DCUN1D1: variants seen among roughly 807,000 people sequenced by gnomAD.
DCUN1D1 encodes DCN1-like protein 1.
Under a neutral mutation model 39.0 loss-of-function variants are expected in DCUN1D1, and 3 were observed. The ratio of observed to expected loss-of-function variants is 0.08; its 90% CI spans 0.04 to 0.20. The LOEUF is 0.20. Ranked by LOEUF, DCUN1D1 falls within the 10% of genes least tolerant of loss-of-function variation. The pLI is 1.00. For synonymous variants in DCUN1D1, 82 were observed against 96.3 expected (o/e 0.85, Z 0.87); for missense variants, 158 against 302.4 (o/e 0.52, Z 3.54).
upstream of DCUN1D1, chr3:182,980,659 G>A (rs1276292291): frequency 2.0e-5 from 17 of 843,370 alleles, no homozygotes; most frequent in Non-Finnish European, 2.3e-5. Flanking sequence ...GCGGAGGGAC[G>A]GAGGCAGGCG....
intron 4 of DCUN1D1, among the ~76,000 whole-genome samples, chr3:182,956,783 A>G (rs1391921066): frequency 1.3e-5 from 2 of 152,242 alleles, no homozygotes; most frequent in Non-Finnish European, 2.9e-5. Flanking sequence ...GGCCCTAAAA[A>G]TGATATGGCT....
chr3:182,951,653 C>A (rs1233759373), intron 4 of DCUN1D1, among the ~76,000 whole-genome samples: 1 of 136,558 alleles, frequency 7.3e-6, no homozygotes, highest in Non-Finnish European at 1.6e-5. Flanking sequence ...AAAACCACCA[C>A]ACACAAAAGA....
At chr3:182,963,621 T>C (rs1204428392) in intron 3 of DCUN1D1, among the ~76,000 whole-genome samples, 1 of 152,222 alleles carries the variant, frequency 6.6e-6, no homozygotes, top group Non-Finnish European at 1.5e-5. Context: ...TAGTAAATAT[T>C]AATGCATAAT....
chr3:182,964,635 C>CTTTTTTT (rs951243180), intron 2 of DCUN1D1, among the ~76,000 whole-genome samples: 43 of 107,468 alleles, frequency 4.0e-4, no homozygotes, highest in African/African-American at 9.1e-4. Flanking sequence ...TAACACCTTT[C>CTTTTTTT]TTTTTTTTTT....
intron 1 of DCUN1D1, among the ~76,000 whole-genome samples, chr3:182,971,577 A>C (rs1392658671): frequency 2.8e-5 from 4 of 143,232 alleles, no homozygotes; most frequent in African/African-American, 5.3e-5. Flanking sequence ...ACCCTATCTT[A>C]AAAAAAAAAA....
intron 1 of DCUN1D1, among the ~76,000 whole-genome samples, chr3:182,970,150 T>C (rs1473764366): frequency 6.6e-6 from 1 of 151,960 alleles, no homozygotes; most frequent in Non-Finnish European, 1.5e-5. Flanking sequence ...CCTAGCTACA[T>C]GGGAGGCTGA....
intron 3 of DCUN1D1, among the ~76,000 whole-genome samples, chr3:182,962,019 A>AT (rs1727423570): frequency 6.6e-6 from 1 of 152,174 alleles, no homozygotes; most frequent in South Asian, 2.1e-4. Flanking sequence ...AATCAATTCA[A>AT]TTTTTTTCCT....
chr3:182,967,084 G>A (rs1207193340), intron 1 of DCUN1D1, among the ~76,000 whole-genome samples: 1 of 151,342 alleles, frequency 6.6e-6, no homozygotes, highest in Non-Finnish European at 1.5e-5. Flanking sequence ...TCCAGCCTGG[G>A]GGACAAGAGC....
upstream of DCUN1D1, among the ~76,000 whole-genome samples, chr3:182,981,272 C>G (rs182983437): frequency 2.0e-5 from 3 of 152,294 alleles, no homozygotes; most frequent in African/African-American, 4.8e-5. Flanking sequence ...CTGCCTACTG[C>G]TAGCTCTCAG....
intron 4 of DCUN1D1, among the ~76,000 whole-genome samples, chr3:182,960,735 C>T (rs1727337070): frequency 6.6e-6 from 1 of 152,146 alleles, no homozygotes; most frequent in South Asian, 2.1e-4. Context: ...TTGATCTAAA[C>T]TTTTACAGTG....
Position 182,940,108 on chromosome 3 carries a change from A to G in DCUN1D1, c.*4986T>C, listed in dbSNP as rs1726071036. ...CAAAATCACTGTTAACGATTTAATT[A>G]GCATTGTCCCTTAGCCATTTCATTA... is the stretch of plus-strand genomic sequence containing the variant. On this transcript the variant is annotated 3_prime_UTR_variant, in exon 7 of 7. Transcript: ENST00000292782. 1.3e-5 allele frequency: 2 copies of G among 152,180 alleles called. No homozygotes were observed. Among genetic ancestry groups the G allele is most frequent in the Admixed American group, 1.3e-4 (2 of 15,274 alleles). The allele number at this position is 152,180 out of a possible 1,614,324, so 9.4% of individuals were successfully genotyped here.
rs945707837 is a variant in DCUN1D1 at position 182,944,147 on chromosome 3, CAAAAAA to C, written c.*941_*946del. ...CCATTTGTGTTCCATAGTGCGATGACAAAAAAAAAGTAAAAACAAAACAAAAAAACC... is the reference window on the plus strand; with the variant it reads ...CCATTTGTGTTCCATAGTGCGATGACAAAGTAAAAACAAAACAAAAAAACC... On this transcript the variant is annotated 3_prime_UTR_variant, in exon 7 of 7. Transcript: ENST00000292782. 1 of 149,582 alleles carries C rather than the reference CAAAAAA, an allele frequency of 6.7e-6. No individual in the cohort carries two copies. The highest frequency in any genetic ancestry group is 2.1e-4 in the South Asian group (1 of 4,744). 9.3% of individuals were successfully genotyped at this position (149,582 alleles called of 1,614,324 possible). A position where few individuals can be genotyped will look rare whatever the true frequency, so the allele number is the denominator to read the frequency against.
upstream of DCUN1D1, chr3:182,980,661 A>T: frequency 1.2e-6 from 1 of 836,012 alleles, no homozygotes; most frequent in Non-Finnish European, 1.4e-6. Context: ...GGAGGGACGG[A>T]GGCAGGCGGA....
chr3:182,980,558 G>T (rs557576604), upstream of DCUN1D1: 7 of 1,196,948 alleles, frequency 5.8e-6, no homozygotes, highest in Admixed American at 9.7e-5. Flanking sequence ...CGGCGGCGGC[G>T]GCTCCTCTCA....
chr3:182,951,918 A>G (rs1726774483), intron 4 of DCUN1D1, among the ~76,000 whole-genome samples: 1 of 152,042 alleles, frequency 6.6e-6, no homozygotes, highest in African/African-American at 2.4e-5. Flanking sequence ...CTGGTCTCGA[A>G]CTTCTGACCT....
chr3:182,981,916 A>G (rs1001158647), upstream of DCUN1D1, among the ~76,000 whole-genome samples: 15 of 152,200 alleles, frequency 9.9e-5, no homozygotes, highest in Admixed American at 8.5e-4. Flanking sequence ...GGCTCTGGGT[A>G]AATAGTCCTG....
intron 1 of DCUN1D1, among the ~76,000 whole-genome samples, chr3:182,967,128 C>CTATATATATATA (rs60339329): frequency 2.9e-4 from 42 of 143,570 alleles, no homozygotes; most frequent in African/African-American, 1.1e-3. Flanking sequence ...AACAAAAAAA[C>CTATATATATATA]TATATATATA....
At chr3:182,955,599 T>G in intron 4 of DCUN1D1, 1 of 477,228 alleles carries the variant, frequency 2.1e-6, no homozygotes, top group Non-Finnish European at 4.2e-6. Flanking sequence ...GGTTTTTTTT[T>G]TTGAGACTGA....
At chr3:182,962,319 T>C (rs527588913) in intron 3 of DCUN1D1, among the ~76,000 whole-genome samples, 3 of 152,320 alleles carry the variant, frequency 2.0e-5, no homozygotes, top group South Asian at 4.1e-4. Context: ...CTTTGTGATA[T>C]TGGACTGCAA....
Sources: allele counts gnomAD v4.1 joint callset (sites outside exome capture counted in the v4.1 genomes callset), GRCh38; gene constraint gnomAD v4.1.1; transcripts MANE v1.5; gene names NCBI Gene and HGNC (gene_info 2026-07-23, HGNC 2026-07-21).